Variants in PIGN observed in about 807,000 individuals in gnomAD.
The protein encoded by PIGN is phosphatidylinositol glycan anchor biosynthesis class N.
Under a neutral mutation model 125.4 loss-of-function variants are expected in PIGN, and 117 were observed. That is an observed-to-expected ratio of 0.93 (90% CI 0.80 to 1.09). The LOEUF is 1.09. Ranked by LOEUF, PIGN falls within the 50% of genes least tolerant of loss-of-function variation. The pLI, the probability that PIGN is intolerant of heterozygous loss-of-function variation, is 0.00. For synonymous variants in PIGN, 392 were observed against 377.8 expected (o/e 1.04, Z -0.44); for missense variants, 1,075 against 1,094.9 (o/e 0.98, Z 0.26).
At chr18:62,036,965 G>A (rs76726689), downstream of PIGN, among the ~76,000 whole-genome samples, 1 of 152,060 alleles carries the variant, frequency 6.6e-6, no homozygotes, top group Non-Finnish European at 1.5e-5. Context: ...GCTCTTCAAG[G>A]GCAGGACTGA....
chr18:62,036,207 GTTTTTTTTCT>G (rs2030258429), downstream of PIGN, among the ~76,000 whole-genome samples: 1 of 151,578 alleles, frequency 6.6e-6, no homozygotes, highest in South Asian at 2.1e-4. Context: ...GGGAAGATGA[GTTTTTTTTCT>G]TTTTTTTTCT....
At chr18:62,178,977 G>A in intron 1 of PIGN, among the ~76,000 whole-genome samples, 1 of 152,108 alleles carries the variant, frequency 6.6e-6, no homozygotes, top group East Asian at 1.9e-4. Context: ...GGCTTCTCTT[G>A]GCTGTGATAA....
rs1015920026 is a variant in PIGN at position 62,043,775 on chromosome 18, T to G, written c.*2081A>C. 1 of 152,184 alleles carries G rather than the reference T, an allele frequency of 6.6e-6. No individual in the cohort carries two copies. The highest frequency in any genetic ancestry group is 2.4e-5 in the African/African-American group (1 of 41,446). The allele number at this position is 152,184 out of a possible 1,614,324, so 9.4% of individuals were successfully genotyped here. On this transcript the variant is annotated 3_prime_UTR_variant, in exon 31 of 31. Coordinates refer to ENST00000640252, the MANE Select transcript of PIGN (RefSeq NM_176787.5). ...ATAGCATGGCCTTTTTTTGGTTCAA[T>G]ATTTTCACAACTTGTTCTGCCTATT...
chr18:62,086,117 C>T (rs1418889784), intron 25 of PIGN, among the ~76,000 whole-genome samples: 1 of 151,956 alleles, frequency 6.6e-6, no homozygotes, highest in African/African-American at 2.4e-5. Context: ...AGAATATAAA[C>T]ATAAATAAAA....
chr18:62,110,406 C>A (rs752892272), intron 16 of PIGN, among the ~76,000 whole-genome samples: 1 of 152,130 alleles, frequency 6.6e-6, no homozygotes, highest in East Asian at 1.9e-4. Context: ...ATGTGACAAG[C>A]TATCTAAGCT....
intron 1 of PIGN, among the ~76,000 whole-genome samples, chr18:62,179,461 C>T (rs377094227): frequency 3.5e-4 from 53 of 152,268 alleles, no homozygotes; most frequent in Middle Eastern, 3.4e-3. Context: ...AGCCATCTGT[C>T]GGTCAGGCCT....
Position 62,109,966 on chromosome 18 carries a change from C to T in PIGN, c.1442G>A (p.Ser481Asn), listed in dbSNP as rs763149264. The T allele has an allele frequency of 3.3e-5, 53 of 1,613,212 alleles. No homozygotes were observed. The highest frequency in any genetic ancestry group is 1.7e-4 in the Middle Eastern group (1 of 6,052). The change falls in exon 17 of 31, where the codon AGC (serine) becomes AAC (asparagine). Residue 481 changes from serine (S) to asparagine (N), a missense_variant. By Grantham distance (46) the Ser-to-Asn change is conservative. Transcript: ENST00000640252. ...KGVSKEVKKP[S>N]HLLPCSFVAI... Reference sequence around the variant, plus strand: ...TACAAAACTACAAGGCAGGAGATGGCTTGGTTTCTGAAAAATCAAACAAAA... The same window carrying T: ...TACAAAACTACAAGGCAGGAGATGGTTTGGTTTCTGAAAAATCAAACAAAA...
At chr18:62,084,430 A>G in intron 27 of PIGN, 101 bp downstream of exon 27, 1 of 720,778 alleles carries the variant, frequency 1.4e-6, no homozygotes, top group Non-Finnish European at 2.3e-6. Flanking sequence ...GCCAACTCTG[A>G]AAGGATATCT....
intron 23 of PIGN, among the ~76,000 whole-genome samples, chr18:62,023,616 C>T (rs540048801): frequency 6.6e-6 from 1 of 152,218 alleles, no homozygotes; most frequent in Non-Finnish European, 1.5e-5. Flanking sequence ...ACTCAATTTA[C>T]ATTTGATTCA....
At chr18:62,087,065 G>A (rs2033741414) in intron 25 of PIGN, among the ~76,000 whole-genome samples, 1 of 152,176 alleles carries the variant, frequency 6.6e-6, no homozygotes, top group South Asian at 2.1e-4. Context: ...CACGAAAGGG[G>A]TCAAGTTTGG....
chr18:62,118,719 C>T lies in PIGN; in HGVS notation c.1173-4080G>A, dbSNP rs148151098. ...TTCATTGTGGATTTTTTAAGAAAGA[C>T]ATTTTAAAAGTGCATCTGGAATTTT... On this transcript the variant is annotated intron_variant, in intron 14 of 30. Coordinates refer to ENST00000640252, the MANE Select transcript of PIGN (RefSeq NM_176787.5). The T allele has an allele frequency of 2.0e-4, 30 of 151,894 alleles. 1 individual carries two copies. The highest frequency in any genetic ancestry group is 5.8e-4 in the African/African-American group (24 of 41,494). The allele number at this position is 151,894 out of a possible 1,614,324, so 9.4% of individuals were successfully genotyped here.
rs80265655 is a variant in PIGN at position 62,068,118 on chromosome 18, T to G, written c.2672+4555A>C. On this transcript the variant is annotated intron_variant, in intron 30 of 30. Coordinates refer to ENST00000640252, the MANE Select transcript of PIGN (RefSeq NM_176787.5). ...CAGGTCTTTGTTTGTTTGTTTGTTT[T>G]TTTGTCTCTTTAGAGGTGTCTTCTG... Among the ~76,000 whole-genome samples, 938 of 136,328 alleles carry G rather than the reference T, an allele frequency of 6.9e-3. 17 individuals carry two copies. Among genetic ancestry groups the G allele is most frequent in the African/African-American group, 0.022 (870 of 38,928 alleles). 89.4% of individuals were successfully genotyped at this position (136,328 alleles called of 152,430 possible). A position where few individuals can be genotyped will look rare whatever the true frequency, so the allele number is the denominator to read the frequency against.
At chr18:62,164,170 T>C (rs2037050133) in intron 1 of PIGN, among the ~76,000 whole-genome samples, 1 of 152,222 alleles carries the variant, frequency 6.6e-6, no homozygotes, top group Non-Finnish European at 1.5e-5. Context: ...AAAATAAACA[T>C]TGGGTATTGA....
In PIGN at chr18:62,148,279, TTTCTC is replaced by T. The variant is rs2036408587; in HGVS notation, c.604_608del (p.Glu202AsnfsTer29). ...CTAATAAATGTAAGAAAAAAACTAT[TTTCTC>T]TTCATTTATTTTAGAAAACAAAGAC... is the stretch of plus-strand genomic sequence containing the variant. On this transcript the variant is annotated frameshift_variant, in exon 8 of 31. Transcript: ENST00000640252. LOFTEE classifies it high-confidence loss of function. The T allele has an allele frequency of 1.3e-6, 2 of 1,535,548 alleles. No homozygotes were observed. Among genetic ancestry groups the T allele is most frequent in the Admixed American group, 2.0e-5 (1 of 49,574 alleles).
intron 30 of PIGN, among the ~76,000 whole-genome samples, chr18:62,054,456 C>G (rs533774483): frequency 5.6e-4 from 84 of 149,594 alleles, no homozygotes; most frequent in African/African-American, 2.0e-3. Context: ...CACTTGCAAG[C>G]CACACATTCA....
chr18:62,145,472 T>C (rs1375886018), intron 10 of PIGN, among the ~76,000 whole-genome samples: 2 of 152,236 alleles, frequency 1.3e-5, no homozygotes, highest in East Asian at 3.8e-4. Context: ...TACCTCTTGC[T>C]TTTTATCTAA....
At chr18:62,157,623 G>A in intron 5 of PIGN, 64 bp downstream of exon 5, 1 of 1,410,098 alleles carries the variant, frequency 7.1e-7, no homozygotes, top group South Asian at 1.2e-5. Flanking sequence ...ATGATTAAGT[G>A]GTAAAGGACT....
chr18:62,097,495 C>A (rs1043034024), intron 22 of PIGN, among the ~76,000 whole-genome samples: 1 of 147,918 alleles, frequency 6.8e-6, no homozygotes, highest in African/African-American at 2.5e-5. Flanking sequence ...ACTAGTTCAA[C>A]TATTGTGGAA....
chr18:62,166,890 G>A (rs746354280), intron 1 of PIGN, among the ~76,000 whole-genome samples: 17 of 152,126 alleles, frequency 1.1e-4, no homozygotes, highest in Non-Finnish European at 7.4e-5. Context: ...CAAACACCAG[G>A]GCCTGTAGCA....
Sources: allele counts gnomAD v4.1 joint callset (sites outside exome capture counted in the v4.1 genomes callset), GRCh38; gene constraint gnomAD v4.1.1; transcripts MANE v1.5; gene names NCBI Gene and HGNC (gene_info 2026-07-23, HGNC 2026-07-21).